The following PHACTR3 variants were observed in gnomAD, a reference collection of about 807,000 sequenced individuals.
PHACTR3 encodes protein phosphatase 1, regulatory subunit 123.
PHACTR3 carries 16 observed loss-of-function variants against 66.8 expected under a neutral mutation model. The observed-to-expected ratio is 0.24, with a 90% CI of 0.16 to 0.36. The LOEUF (loss-of-function observed/expected upper bound fraction) is 0.36, where lower values mean the gene tolerates loss of function less well. PHACTR3 is among the 10% of genes least tolerant of loss of function. The pLI, the probability that PHACTR3 is intolerant of heterozygous loss-of-function variation, is 1.00. For missense variants in PHACTR3, 647 were observed against 719.9 expected (o/e 0.90, Z 1.16); for synonymous variants, 323 against 292.1 (o/e 1.11, Z -1.08).
In PHACTR3 at chr20:59,829,021, G is replaced by GAGTA. The variant is rs1485928631; in HGVS notation, c.1329-7481_1329-7478dup. Reference sequence around the variant, plus strand: ...AGCTTCCTGGGGTGTTGGACGTAGGGAGTAAGAGGAGCCAGTTCTCCCAGG... The same window carrying GAGTA: ...AGCTTCCTGGGGTGTTGGACGTAGGGAGTAAGTAAGAGGAGCCAGTTCTCCCAGG... On this transcript the variant is annotated intron_variant, in intron 8 of 12. Transcript: ENST00000371015. This position sits in a 1 kb window ranked among gnomAD's most constrained non-coding sequence, Gnocchi z 4.2. Among the ~76,000 whole-genome samples, 1 of 152,080 alleles carries GAGTA rather than the reference G, an allele frequency of 6.6e-6. No individual in the cohort carries two copies. The highest frequency in any genetic ancestry group is 1.5e-5 in the Non-Finnish European group (1 of 68,000).
chr20:59,665,378 C>T (rs2035948771), intron 1 of PHACTR3, among the ~76,000 whole-genome samples: 1 of 152,176 alleles, frequency 6.6e-6, no homozygotes, highest in Admixed American at 6.5e-5. Context: ...CAAAGATACT[C>T]AAAGGTGTTT....
intron 1 of PHACTR3, among the ~76,000 whole-genome samples, chr20:59,710,850 C>A (rs2146644662): frequency 6.6e-6 from 1 of 152,204 alleles, no homozygotes; most frequent in East Asian, 1.9e-4. Context: ...ATCCTACCCA[C>A]CCCTCAAGGT....
At chr20:59,726,945 T>C (rs953976049) in intron 1 of PHACTR3, among the ~76,000 whole-genome samples, 4 of 152,180 alleles carry the variant, frequency 2.6e-5, no homozygotes, top group Admixed American at 1.3e-4. Flanking sequence ...TGTTTTTGAT[T>C]AAATTCTTAA....
chr20:59,663,307 C>T (rs1462642327), intron 1 of PHACTR3, among the ~76,000 whole-genome samples: 1 of 152,118 alleles, frequency 6.6e-6, no homozygotes, highest in Non-Finnish European at 1.5e-5. Flanking sequence ...CAACCTGCTA[C>T]AGAGAGGGAG....
At chr20:59,664,129 T>C (rs1033125317) in intron 1 of PHACTR3, among the ~76,000 whole-genome samples, 1 of 152,134 alleles carries the variant, frequency 6.6e-6, no homozygotes, top group African/African-American at 2.4e-5. Context: ...ACTGGGAAAG[T>C]GGTGGTAGAT....
rs1350066376 is a variant in PHACTR3, at chr20:59,774,283, C to T, written c.967C>T (p.Leu323=). 6.2e-7 allele frequency: 1 copy of T among 1,608,704 alleles called. No individual in the cohort carries two copies. The highest frequency in any genetic ancestry group is 1.7e-5 in the Admixed American group (1 of 58,858). The change falls in exon 7 of 13, where the codon CTG becomes TTG. Residue 323 remains leucine (L), a synonymous_variant. Coordinates refer to ENST00000371015, the MANE Select transcript of PHACTR3 (RefSeq NM_080672.5). ...AAGTAAAGGGTCTCCAAAGAAGCGG[C>T]TGGATGTCCGTCTGTCGAGAACGTC... ...RESKGSPKKR[L]DVRLSRTSSV...
In PHACTR3 at chr20:59,830,955, C is replaced by T. The variant is rs1408400526; in HGVS notation, c.1329-5550C>T. Among the ~76,000 whole-genome samples, 1 of 151,598 alleles carries T rather than the reference C, an allele frequency of 6.6e-6. No homozygotes were observed. Among genetic ancestry groups the T allele is most frequent in the African/African-American group, 2.4e-5 (1 of 40,932 alleles). On this transcript the variant is annotated intron_variant, in intron 8 of 12. Coordinates refer to ENST00000371015, the MANE Select transcript of PHACTR3 (RefSeq NM_080672.5). This position sits in a 1 kb window ranked among gnomAD's most constrained non-coding sequence, Gnocchi z 5.8. ...CACAGTGGCATCATGACTCCTGGAG[C>T]CTCTCCAGGCGTCCTGACTGTCCAG...
intron 7 of PHACTR3, among the ~76,000 whole-genome samples, chr20:59,800,234 T>C (rs1452408910): frequency 6.6e-6 from 1 of 152,212 alleles, no homozygotes; most frequent in Non-Finnish European, 1.5e-5. Context: ...ACACTTGTGG[T>C]TACCATTTCT....
At chr20:59,599,685 G>GAAAACAAAAC (rs58143763), upstream of PHACTR3, among the ~76,000 whole-genome samples, 26 of 151,914 alleles carry the variant, frequency 1.7e-4, no homozygotes, top group South Asian at 1.9e-3. Flanking sequence ...TAGTTAACTA[G>GAAAACAAAAC]AAAACAAAAC....
chr20:59,741,912 G>A (rs990786337), intron 1 of PHACTR3, among the ~76,000 whole-genome samples: 7 of 152,036 alleles, frequency 4.6e-5, no homozygotes, highest in Non-Finnish European at 7.4e-5. Context: ...ACAGGTACCC[G>A]CCACCACACT....
chr20:59,712,009 A>G (rs949701900), intron 1 of PHACTR3, among the ~76,000 whole-genome samples: 1 of 152,154 alleles, frequency 6.6e-6, no homozygotes, highest in African/African-American at 2.4e-5. Context: ...TTGTGAATAT[A>G]TTCCAGAGTT....
intron 1 of PHACTR3, among the ~76,000 whole-genome samples, chr20:59,659,721 C>T (rs531936293): frequency 2.0e-5 from 3 of 152,202 alleles, no homozygotes; most frequent in East Asian, 3.9e-4. Flanking sequence ...TTACCAGCTT[C>T]GAGTGCTTAG....
At chr20:59,741,758 T>C (rs1191904352) in intron 1 of PHACTR3, among the ~76,000 whole-genome samples, 4 of 151,508 alleles carry the variant, frequency 2.6e-5, no homozygotes, top group South Asian at 2.1e-4. Flanking sequence ...TTCTTTCTTT[T>C]TTTTTTTTTT....
intron 8 of PHACTR3, among the ~76,000 whole-genome samples, chr20:59,817,606 T>C (rs1600709441): frequency 6.6e-6 from 1 of 152,232 alleles, no homozygotes; most frequent in Admixed American, 6.5e-5. Context: ...AAATGCTCCA[T>C]AAGTGACCTG....
intron 1 of PHACTR3, among the ~76,000 whole-genome samples, chr20:59,635,131 C>CTT (rs1182171122): frequency 2.4e-3 from 171 of 70,180 alleles, no homozygotes; most frequent in Middle Eastern, 7.1e-3. Context: ...TTCTTTCTTT[C>CTT]TTTCTTTCTT....
intron 1 of PHACTR3, among the ~76,000 whole-genome samples, chr20:59,719,080 G>A (rs577356214): frequency 1.3e-5 from 2 of 152,336 alleles, no homozygotes; most frequent in African/African-American, 4.8e-5. Flanking sequence ...GCTAACACCA[G>A]ATGAATGAAT....
At chr20:59,708,062 C>T (rs2037776558) in intron 1 of PHACTR3, among the ~76,000 whole-genome samples, 1 of 152,208 alleles carries the variant, frequency 6.6e-6, no homozygotes, top group Admixed American at 6.5e-5. Context: ...TGTCCATCCC[C>T]TGAACCAGTC....
intron 7 of PHACTR3, among the ~76,000 whole-genome samples, chr20:59,797,122 G>T (rs2041271752): frequency 6.6e-6 from 1 of 151,992 alleles, no homozygotes; most frequent in African/African-American, 2.4e-5. Context: ...TGTTGTTGAA[G>T]CTCTCAATTT....
intron 4 of PHACTR3, 31 bp from the exon 5 acceptor site, chr20:59,767,155 T>C: frequency 6.2e-7 from 1 of 1,612,322 alleles, no homozygotes; most frequent in Non-Finnish European, 8.5e-7. Flanking sequence ...AGGAAACATG[T>C]TTTTAACTCT....
Sources: allele counts gnomAD v4.1 joint callset (sites outside exome capture counted in the v4.1 genomes callset), GRCh38; gene constraint gnomAD v4.1.1; non-coding constraint Gnocchi (gnomAD v3.1); transcripts MANE v1.5; gene names NCBI Gene and HGNC (gene_info 2026-07-23, HGNC 2026-07-21).